Variants in NXPH1 observed in about 807,000 individuals in gnomAD.
The protein encoded by NXPH1 is neurexophilin 1.
NXPH1 carries 5 observed loss-of-function variants against 23.7 expected under a neutral mutation model. The ratio of observed to expected loss-of-function variants is 0.21; its 90% CI spans 0.11 to 0.44. NXPH1 has a LOEUF of 0.44. Among genes scored for constraint, NXPH1 ranks in the 20% least tolerant of loss-of-function variants. The pLI is 0.99. For synonymous variants in NXPH1, 144 were observed against 122.2 expected, an observed-to-expected ratio of 1.18 and a Z score of -1.18; for missense variants, 324 against 321.6, an observed-to-expected ratio of 1.01 and a Z score of -0.06.
At chr7:8,664,085 A>G (rs1194093983) in intron 2 of NXPH1, among the ~76,000 whole-genome samples, 1 of 152,036 alleles carries the variant, frequency 6.6e-6, no homozygotes, top group Non-Finnish European at 1.5e-5. Context: ...TGATGCTTTA[A>G]CTTTCTATCC....
intron 2 of NXPH1, among the ~76,000 whole-genome samples, chr7:8,650,775 G>T (rs187893950): frequency 1.2e-4 from 19 of 152,258 alleles, no homozygotes; most frequent in African/African-American, 4.6e-4. Flanking sequence ...TGAAATGACA[G>T]TGCTGTTGAA....
intron 2 of NXPH1, among the ~76,000 whole-genome samples, chr7:8,536,564 A>G (rs1004452069): frequency 4.0e-5 from 6 of 151,854 alleles, no homozygotes; most frequent in Non-Finnish European, 8.8e-5. Context: ...TAATAAGCTC[A>G]GCTATAAACT....
intron 2 of NXPH1, among the ~76,000 whole-genome samples, chr7:8,523,386 C>A (rs1409183564): frequency 6.6e-6 from 1 of 152,190 alleles, no homozygotes; most frequent in Non-Finnish European, 1.5e-5. Flanking sequence ...TTCTTAGAGT[C>A]TTTTCTTCTC....
At chr7:8,480,003 G>A (rs1817046333) in intron 2 of NXPH1, among the ~76,000 whole-genome samples, 1 of 152,066 alleles carries the variant, frequency 6.6e-6, no homozygotes, top group Non-Finnish European at 1.5e-5. Flanking sequence ...AATAAAATTA[G>A]AGATGTCTAG....
chr7:8,536,088 T>C (rs997970606), intron 2 of NXPH1, among the ~76,000 whole-genome samples: 1 of 152,078 alleles, frequency 6.6e-6, no homozygotes, highest in African/African-American at 2.4e-5. Flanking sequence ...TTTGTAATTG[T>C]GTGTTTATTA....
intron 2 of NXPH1, among the ~76,000 whole-genome samples, chr7:8,456,439 T>A (rs912054280): frequency 1.3e-5 from 2 of 152,222 alleles, no homozygotes; most frequent in African/African-American, 4.8e-5. Flanking sequence ...ACAGAGGTTG[T>A]GGGACCTTGA....
At chr7:8,541,721 A>T (rs1818119657) in intron 2 of NXPH1, among the ~76,000 whole-genome samples, 1 of 151,634 alleles carries the variant, frequency 6.6e-6, no homozygotes, top group African/African-American at 2.4e-5. Context: ...AAAAGCACAA[A>T]TGCCAGAAGG....
intron 2 of NXPH1, among the ~76,000 whole-genome samples, chr7:8,449,362 T>A (rs945897611): frequency 1.3e-5 from 2 of 152,064 alleles, no homozygotes; most frequent in Non-Finnish European, 2.9e-5. Context: ...GACATTAGAG[T>A]GGGGAAGGTG....
chr7:8,499,643 G>A (rs1817398082), intron 2 of NXPH1, among the ~76,000 whole-genome samples: 1 of 151,990 alleles, frequency 6.6e-6, no homozygotes, highest in South Asian at 2.1e-4. Flanking sequence ...TCCCAAATTC[G>A]GTAATCAATA....
intron 2 of NXPH1, among the ~76,000 whole-genome samples, chr7:8,491,019 C>A (rs764870244): frequency 6.6e-6 from 1 of 151,982 alleles, no homozygotes; most frequent in Non-Finnish European, 1.5e-5. Context: ...GTGACACCTG[C>A]GACACCTGCT....
intron 2 of NXPH1, among the ~76,000 whole-genome samples, chr7:8,743,349 T>C (rs1780402224): frequency 6.6e-6 from 1 of 151,862 alleles, no homozygotes; most frequent in Non-Finnish European, 1.5e-5. Flanking sequence ...TAAAAAGAGA[T>C]ATACAAATGT....
chr7:8,723,036 T>C (rs1032539521), intron 2 of NXPH1, among the ~76,000 whole-genome samples: 2 of 152,186 alleles, frequency 1.3e-5, no homozygotes, highest in Non-Finnish European at 1.5e-5. Flanking sequence ...CATTTTAATA[T>C]CGTTTTAATT....
intron 2 of NXPH1, among the ~76,000 whole-genome samples, chr7:8,643,003 T>G (rs1820342946): frequency 6.6e-6 from 1 of 152,116 alleles, no homozygotes; most frequent in Non-Finnish European, 1.5e-5. Context: ...TAGCTGGAAC[T>G]ACGGGTGCAC....
chr7:8,727,033 T>TG (rs1424275971), intron 2 of NXPH1, among the ~76,000 whole-genome samples: 7 of 145,928 alleles, frequency 4.8e-5, no homozygotes, highest in Non-Finnish European at 1.0e-4. Flanking sequence ...TCATTCTAAC[T>TG]GGTGTGAGAT....
In NXPH1 at chr7:8,705,260, C is replaced by A. The variant is rs180805661; in HGVS notation, c.55-45748C>A. 2.9e-4 allele frequency among the ~76,000 whole-genome samples: 44 copies of A among 152,286 alleles called. 1 individual carries two copies. The East Asian group carries it at 8.1e-3, about 28-fold the overall frequency. ...ACACAGTTTATCCCCTTAGTGGGTC[C>A]ATGGACCCATATTGAAATTACTTCT... On this transcript the variant is annotated intron_variant, in intron 2 of 2. Coordinates refer to ENST00000405863, the MANE Select transcript of NXPH1 (RefSeq NM_152745.3).
chr7:8,737,564 A>G (rs1780283649), intron 2 of NXPH1, among the ~76,000 whole-genome samples: 1 of 151,826 alleles, frequency 6.6e-6, no homozygotes, highest in South Asian at 2.1e-4. Context: ...TGCCCTTAAC[A>G]TTTTTTCCTT....
chr7:8,718,727 A>T (rs1162197938), intron 2 of NXPH1, among the ~76,000 whole-genome samples: 1 of 152,206 alleles, frequency 6.6e-6, no homozygotes, highest in Non-Finnish European at 1.5e-5. Context: ...AGACATCTCC[A>T]GGAAGTAGGG....
intron 2 of NXPH1, among the ~76,000 whole-genome samples, chr7:8,743,051 ATAG>A (rs1293878329): frequency 6.6e-6 from 1 of 152,208 alleles, no homozygotes; most frequent in East Asian, 1.9e-4. Context: ...CCCTTAACCA[ATAG>A]TAGTCAATAT....
chr7:8,519,206 T>A (rs1221859226), intron 2 of NXPH1, among the ~76,000 whole-genome samples: 1 of 152,178 alleles, frequency 6.6e-6, no homozygotes, highest in African/African-American at 2.4e-5. Flanking sequence ...AGGGAAGATT[T>A]CCTTAAATAA....
Sources: allele counts gnomAD v4.1 joint callset (sites outside exome capture counted in the v4.1 genomes callset), GRCh38; gene constraint gnomAD v4.1.1; transcripts MANE v1.5; gene names NCBI Gene and HGNC (gene_info 2026-07-23, HGNC 2026-07-21).